Variants in PHF2 observed in about 807,000 individuals in gnomAD.
The protein encoded by PHF2 is PHD finger protein 2, also known as lysine-specific demethylase PHF2.
Under a neutral mutation model 120.5 loss-of-function variants are expected in PHF2, and 27 were observed. The observed-to-expected ratio is 0.22, with a 90% CI of 0.17 to 0.31. PHF2 has a LOEUF of 0.31. Among genes scored for constraint, PHF2 ranks in the 10% least tolerant of loss-of-function variants. PHF2 has a pLI of 1.00. For synonymous variants in PHF2, 568 were observed against 592.5 expected, an observed-to-expected ratio of 0.96 and a Z score of 0.60; for missense variants, 1,024 against 1,434.8, an observed-to-expected ratio of 0.71 and a Z score of 4.63.
chr9:93,596,718 T>C (rs1015163217), intron 1 of PHF2, among the ~76,000 whole-genome samples: 58 of 151,052 alleles, frequency 3.8e-4, no homozygotes, highest in Non-Finnish European at 7.2e-4. Flanking sequence ...GTCAGGCAAA[T>C]TGCACCTTCA....
intron 1 of PHF2, among the ~76,000 whole-genome samples, chr9:93,593,105 A>AGG (rs762205352): frequency 0.43 from 53,158 of 122,638 alleles, 12,698 homozygotes; most frequent in South Asian, 0.68. Context: ...AAAAAAAAAA[A>AGG]AAAAAAGAAA....
At chr9:93,630,137 T>A in intron 2 of PHF2, 82 bp downstream of exon 2, 5 of 1,402,458 alleles carry the variant, frequency 3.6e-6, no homozygotes, top group Non-Finnish European at 5.0e-6. Flanking sequence ...GGGTGAGGTC[T>A]CTGCTGGGCC....
intron 4 of PHF2, among the ~76,000 whole-genome samples, chr9:93,647,406 A>G (rs1159049444): frequency 2.6e-5 from 4 of 151,982 alleles, no homozygotes; most frequent in African/African-American, 9.7e-5. Context: ...CAGGGAGGAG[A>G]TGGTTCGTCG....
chr9:93,660,388 C>A lies in PHF2; in HGVS notation c.1526C>A (p.Pro509Gln). ...MPKPSKIPKP[P>Q]KPPKPPRPPK... Reference sequence around the variant, plus strand: ...AAGCCATCCAAAATCCCCAAGCCCCCGAAGCCCCCTAAGCCCCCAAGGCCC... The same window carrying A: ...AAGCCATCCAAAATCCCCAAGCCCCAGAAGCCCCCTAAGCCCCCAAGGCCC... Residue 509 changes from proline (P) to glutamine (Q), a missense_variant, in exon 12 of 22, where the codon CCG (proline) becomes CAG (glutamine). Transcript: ENST00000359246. 1 of 1,528,648 alleles carries A rather than the reference C, an allele frequency of 6.5e-7. No individual in the cohort carries two copies. The highest frequency in any genetic ancestry group is 8.8e-7 in the Non-Finnish European group (1 of 1,132,506). 94.7% of individuals were successfully genotyped at this position (1,528,648 alleles called of 1,614,324 possible).
At chr9:93,671,228 G>A in intron 17 of PHF2, 1 of 968,270 alleles carries the variant, frequency 1.0e-6, no homozygotes, top group Non-Finnish European at 1.2e-6. Flanking sequence ...AGTTGCAGGT[G>A]TGTGGGAGTA....
intron 1 of PHF2, among the ~76,000 whole-genome samples, chr9:93,625,560 C>G (rs950571314): frequency 6.7e-6 from 1 of 148,274 alleles, no homozygotes; most frequent in Admixed American, 6.8e-5. Flanking sequence ...TCACTGCAAC[C>G]TCTGCTTCCT....
At chr9:93,587,316 TTGAGGGATGATGGAAGAGCCCTGGG>T (rs1587662597) in intron 1 of PHF2, among the ~76,000 whole-genome samples, 2 of 59,168 alleles carry the variant, frequency 3.4e-5, no homozygotes, top group East Asian at 4.6e-4. Flanking sequence ...GGAGCCCTGG[TTGAGGGATGATGGAAGAGCCCTGGG>T]TGAGGGATGA....
intron 1 of PHF2, among the ~76,000 whole-genome samples, chr9:93,622,909 C>T (rs1825848486): frequency 6.6e-6 from 1 of 152,184 alleles, no homozygotes; most frequent in South Asian, 2.1e-4. Context: ...TGAGGGTCAG[C>T]ACCAACCCAT....
chr9:93,591,075 CAT>C (rs1459089385), intron 1 of PHF2, among the ~76,000 whole-genome samples: 3 of 152,280 alleles, frequency 2.0e-5, no homozygotes, highest in Admixed American at 1.3e-4. Flanking sequence ...ACTCAGCAGA[CAT>C]GTGGTGGGTG....
chr9:93,637,346 A>G (rs988155586), intron 3 of PHF2, among the ~76,000 whole-genome samples: 3 of 152,186 alleles, frequency 2.0e-5, no homozygotes, highest in African/African-American at 7.2e-5. Flanking sequence ...TCACCCATTT[A>G]AAGTGTGCAG....
intron 1 of PHF2, among the ~76,000 whole-genome samples, chr9:93,622,590 G>A (rs2131641151): frequency 6.6e-6 from 1 of 152,258 alleles, no homozygotes; most frequent in South Asian, 2.1e-4. Context: ...GAGTGCAGAT[G>A]GCCTCTAGGA....
chr9:93,675,580 C>T, intron 19 of PHF2, 100 bp from the exon 20 acceptor site: 1 of 889,294 alleles, frequency 1.1e-6, no homozygotes, highest in African/African-American at 1.7e-5. Context: ...CCTGCCTGGC[C>T]AGGGGGACAG....
At chr9:93,627,110 A>C (rs1825925826) in intron 1 of PHF2, among the ~76,000 whole-genome samples, 1 of 152,176 alleles carries the variant, frequency 6.6e-6, no homozygotes, top group Admixed American at 6.5e-5. Flanking sequence ...CCGTCTTAAC[A>C]CTATTAAGTC....
At chr9:93,661,863 G>C (rs1037922848) in intron 12 of PHF2, among the ~76,000 whole-genome samples, 1 of 151,950 alleles carries the variant, frequency 6.6e-6, no homozygotes, top group Admixed American at 6.5e-5. Flanking sequence ...TAAATGGATG[G>C]ATGGATGAGC....
At chr9:93,583,575 AT>A (rs34776405) in intron 1 of PHF2, among the ~76,000 whole-genome samples, 1,896 of 149,950 alleles carry the variant, frequency 0.013, 43 homozygotes, top group African/African-American at 0.043. Flanking sequence ...TGTTTTCCTA[AT>A]TTTTTTTTTT....
intron 20 of PHF2, among the ~76,000 whole-genome samples, chr9:93,676,354 C>T (rs1344123946): frequency 6.6e-6 from 1 of 152,174 alleles, no homozygotes; most frequent in Non-Finnish European, 1.5e-5. Context: ...GGAGTGCCAT[C>T]CTACAGGCTC....
At chr9:93,600,024 G>C (rs1169762571) in intron 1 of PHF2, among the ~76,000 whole-genome samples, 1 of 152,204 alleles carries the variant, frequency 6.6e-6, no homozygotes, top group Admixed American at 6.5e-5. Flanking sequence ...TGCAGCCTGC[G>C]TGGCCAGGTG....
chr9:93,656,192 G>C lies in PHF2; in HGVS notation c.1040+171G>C, dbSNP rs2081785279. Among the ~76,000 whole-genome samples the C allele has an allele frequency of 6.6e-6, 1 of 152,204 alleles. No individual in the cohort carries two copies. Among genetic ancestry groups the C allele is most frequent in the Non-Finnish European group, 1.5e-5 (1 of 68,038 alleles). On this transcript the variant is annotated intron_variant, in intron 8 of 21. Coordinates refer to ENST00000359246, the MANE Select transcript of PHF2 (RefSeq NM_005392.4). The surrounding 1 kb of genome is among the most constrained non-coding windows in gnomAD (Gnocchi z 4.1). Reference sequence around the variant, plus strand: ...TTTGTGATGTGGAGGGAAGGAGGAGGTGGGCCCTGGGTTCATGCAGGCCGG... The same window carrying C: ...TTTGTGATGTGGAGGGAAGGAGGAGCTGGGCCCTGGGTTCATGCAGGCCGG...
At position 93,598,321 on chromosome 9, in the gene PHF2, G is replaced by A. The variant is rs188639401; in HGVS notation, c.98+21450G>A. ...TCACTCCCAGCCAGTGAAGAGGGCC[G>A]TGCTGCGGGAACCCTGCCACTGCGC... On this transcript the variant is annotated intron_variant, in intron 1 of 21. Transcript: ENST00000359246. 4.6e-4 allele frequency among the ~76,000 whole-genome samples: 70 copies of A among 152,226 alleles called. 1 individual carries two copies. The highest frequency in any genetic ancestry group is 9.0e-4 in the Non-Finnish European group (61 of 68,032).
Sources: allele counts gnomAD v4.1 joint callset (sites outside exome capture counted in the v4.1 genomes callset), GRCh38; gene constraint gnomAD v4.1.1; non-coding constraint Gnocchi (gnomAD v3.1); transcripts MANE v1.5; gene names NCBI Gene and HGNC (gene_info 2026-07-23, HGNC 2026-07-21).